UGT1A6: variants seen among roughly 807,000 people sequenced by gnomAD.
UGT1A6 encodes UDP glucuronosyltransferase family 1 member A6.
A neutral mutation model predicts 44.4 loss-of-function variants in UGT1A6; 32 were observed. The ratio of observed to expected loss-of-function variants is 0.72; its 90% confidence interval spans 0.54 to 0.97. UGT1A6 has a LOEUF of 0.97. Among genes scored for constraint, UGT1A6 ranks in the 50% least tolerant of loss-of-function variants. The pLI is 0.00. For missense variants in UGT1A6, 685 were observed against 661.9 expected (o/e 1.03, Z -0.38); for synonymous variants, 238 against 248.5 (o/e 0.96, Z 0.40).
intron 1 of UGT1A6, among the ~76,000 whole-genome samples, chr2:233,712,775 T>G (rs1217639688): frequency 6.6e-6 from 1 of 151,950 alleles, no homozygotes; most frequent in Admixed American, 6.6e-5. Context: ...TCAGATGAGT[T>G]TTTCAAGATA....
intron 1 of UGT1A6, among the ~76,000 whole-genome samples, chr2:233,710,303 A>G (rs2076125007): frequency 6.6e-6 from 1 of 152,210 alleles, no homozygotes; most frequent in Non-Finnish European, 1.5e-5. Context: ...GTTGGGTTGC[A>G]TGGTAGGTGT....
In UGT1A6 at chr2:233,761,168, G is replaced by T. The variant is rs747133515; in HGVS notation, c.862-5866G>T. 6 of 1,614,050 alleles carry T rather than the reference G, an allele frequency of 3.7e-6. No individual in the cohort carries two copies. In the African/African-American group the frequency reaches 8.0e-5, roughly 22 times the overall value. On this transcript the variant is annotated intron_variant, in intron 1 of 4. Transcript: ENST00000305139. ...CTATCCCAGGTGTGTATTGGAGTGG[G>T]ACTTTTACATGCGTATATTCTTTCA...
chr2:233,730,948 C>T (rs2078091104), intron 1 of UGT1A6, among the ~76,000 whole-genome samples: 2 of 152,126 alleles, frequency 1.3e-5, no homozygotes, highest in African/African-American at 4.8e-5. Flanking sequence ...ATTTGGGTTT[C>T]GTTGAAATGG....
At position 233,725,210 on chromosome 2, in the gene UGT1A6, AGAGGCAGAG is replaced by A. The variant is rs55801126; in HGVS notation, c.861+31356_861+31364del. The stretch of plus-strand genomic sequence containing the variant: ...CAGAGGCAGAGGCAGAGGCAGAGGC[AGAGGCAGAG>A]GAGGCAGAGGCAGAGGAGGCAGAGG... On this transcript the variant is annotated intron_variant, in intron 1 of 4. Transcript: ENST00000305139. 6.2e-4 allele frequency among the ~76,000 whole-genome samples: 55 copies of A among 88,388 alleles called. 3 individuals are homozygous for A. The highest frequency in any genetic ancestry group is 1.8e-3 in the South Asian group (4 of 2,232). 58.0% of individuals were successfully genotyped at this position (88,388 alleles called of 152,430 possible).
At chr2:233,703,318 C>T (rs2075732558) in intron 1 of UGT1A6, among the ~76,000 whole-genome samples, 1 of 147,010 alleles carries the variant, frequency 6.8e-6, no homozygotes, top group Non-Finnish European at 1.5e-5. Flanking sequence ...ATATTTTTAG[C>T]AATTTTGAGT....
intron 1 of UGT1A6, among the ~76,000 whole-genome samples, chr2:233,698,062 A>G (rs907495284): frequency 1.3e-5 from 2 of 152,196 alleles, no homozygotes; most frequent in Non-Finnish European, 2.9e-5. Flanking sequence ...AGTTATATTG[A>G]GAAACTGGGC....
rs1229864362 is a variant in UGT1A6, at chr2:233,692,962, G to A, written c.-43G>A. 7 of 1,609,176 alleles carry A rather than the reference G, an allele frequency of 4.4e-6. No individual in the cohort carries two copies. Among genetic ancestry groups the A allele is most frequent in the Non-Finnish European group, 5.1e-6 (6 of 1,178,258 alleles). On this transcript the variant is annotated 5_prime_UTR_variant, in exon 1 of 5. The change creates a new upstream start codon in the 5' untranslated region. Coordinates refer to ENST00000305139, the MANE Select transcript of UGT1A6 (RefSeq NM_001072.4). ...ACCTAGGAGCCCTGTGATTTGGAGA[G>A]TGAAAACTCTTTATTACCGTTGTTA...
At position 233,724,792 on chromosome 2, in the gene UGT1A6, G is replaced by C. The variant is rs992945436; in HGVS notation, c.861+30927G>C. ...CAGAGACACTCCTCACTTCCCAGAC[G>C]GGGTGGCGGCCGGGCAGAGGCTGCA... On this transcript the variant is annotated intron_variant, in intron 1 of 4. Coordinates refer to ENST00000305139, the MANE Select transcript of UGT1A6 (RefSeq NM_001072.4). Among the ~76,000 whole-genome samples, 142 of 140,766 alleles carry C rather than the reference G, an allele frequency of 1.0e-3. 5 individuals are homozygous for C. Among genetic ancestry groups the C allele is most frequent in the African/African-American group, 3.7e-3 (136 of 36,304 alleles). 92.3% of individuals were successfully genotyped at this position (140,766 alleles called of 152,430 possible).
chr2:233,707,763 TG>T (rs2075986173), intron 1 of UGT1A6, among the ~76,000 whole-genome samples: 2 of 152,092 alleles, frequency 1.3e-5, no homozygotes, highest in African/African-American at 4.8e-5. Flanking sequence ...CACATGTGAG[TG>T]GGTTTTTAGA....
chr2:233,739,559 G>T (rs1322307786), intron 1 of UGT1A6, among the ~76,000 whole-genome samples: 1 of 152,224 alleles, frequency 6.6e-6, no homozygotes, highest in Non-Finnish European at 1.5e-5. Flanking sequence ...TTTAATGACT[G>T]CCCTGCCTGG....
intron 1 of UGT1A6, among the ~76,000 whole-genome samples, chr2:233,735,822 A>G (rs1482941738): frequency 6.6e-6 from 1 of 152,164 alleles, no homozygotes. Flanking sequence ...TTCTTTAAGA[A>G]TGTTGAATAT....
At chr2:233,720,871 A>AT (rs60621337) in intron 1 of UGT1A6, among the ~76,000 whole-genome samples, 4,423 of 132,758 alleles carry the variant, frequency 0.033, 90 homozygotes, top group Middle Eastern at 0.07. Context: ...GCTCCTGGCA[A>AT]TTTTTTTTTT....
intron 1 of UGT1A6, among the ~76,000 whole-genome samples, chr2:233,702,296 T>C (rs540629836): frequency 2.0e-5 from 3 of 152,348 alleles, no homozygotes; most frequent in African/African-American, 7.2e-5. Flanking sequence ...TAAAGAGTTT[T>C]GTATATTGAT....
intron 1 of UGT1A6, among the ~76,000 whole-genome samples, chr2:233,698,540 G>A (rs2075446584): frequency 1.3e-5 from 2 of 152,274 alleles, no homozygotes; most frequent in African/African-American, 4.8e-5. Flanking sequence ...AACAGAACAC[G>A]AGTGGCCAAC....
At chr2:233,718,634 G>A in intron 1 of UGT1A6, 1 of 1,457,400 alleles carries the variant, frequency 6.9e-7, no homozygotes, top group Non-Finnish European at 9.2e-7. Context: ...GTCTTTCCCA[G>A]GGTTGGGCCC....
At chr2:233,733,970 C>T (rs1298818177) in intron 1 of UGT1A6, among the ~76,000 whole-genome samples, 52 of 151,482 alleles carry the variant, frequency 3.4e-4, no homozygotes, top group East Asian at 9.7e-4. Flanking sequence ...GTAGGGGGAG[C>T]GGGGAGGGAT....
Position 233,696,622 on chromosome 2 carries a change from C to G in UGT1A6, c.861+2757C>G, listed in dbSNP as rs910187626. On this transcript the variant is annotated intron_variant, in intron 1 of 4. Transcript: ENST00000305139. ...TTGGATGCCCTTTCTTTCTTTCTTT[C>G]TCTTGCTTAATTGCTTTGGATAGGA... Among the ~76,000 whole-genome samples, 6 of 148,224 alleles carry G rather than the reference C, an allele frequency of 4.0e-5. No individual in the cohort carries two copies. In the East Asian group the frequency reaches 1.2e-3, roughly 29 times the overall value.
chr2:233,765,140 A>C lies in UGT1A6; in HGVS notation c.862-1894A>C, dbSNP rs1698761038. 3.3e-5 allele frequency among the ~76,000 whole-genome samples: 5 copies of C among 152,146 alleles called. No individual in the cohort carries two copies. In the South Asian group the frequency reaches 1.0e-3, roughly 32 times the overall value. ...TGTTCAGGTTTTAGCACTGAACATCACATGTCCTAGGGAACCCCTCAGTTT... is the reference window on the plus strand; with the variant it reads ...TGTTCAGGTTTTAGCACTGAACATCCCATGTCCTAGGGAACCCCTCAGTTT... On this transcript the variant is annotated intron_variant, in intron 1 of 4. Transcript: ENST00000305139.
intron 1 of UGT1A6, 106 bp from the exon 2 acceptor site, chr2:233,766,928 C>T (rs1699282359): frequency 1.3e-6 from 2 of 1,578,030 alleles, no homozygotes; most frequent in East Asian, 4.5e-5. Flanking sequence ...ACACGCATGC[C>T]TTTAATCATA....
Sources: gnomAD v4.1 joint callset for allele counts (sites outside exome capture counted in the v4.1 genomes callset) on GRCh38, gnomAD v4.1.1 for gene constraint, MANE v1.5 for transcripts, NCBI Gene and HGNC (gene_info 2026-07-23, HGNC 2026-07-21) for gene names.